Variants in KIF13B observed in about 807,000 individuals in gnomAD.
The protein encoded by KIF13B is kinesin-like protein KIF13B.
In KIF13B, 127 loss-of-function variants were observed where a neutral mutation model predicts 222.0. The observed-to-expected ratio is 0.57, with a 90% confidence interval of 0.50 to 0.66. The LOEUF (loss-of-function observed/expected upper bound fraction) is 0.66. Ranked by LOEUF, KIF13B falls within the 30% of genes least tolerant of loss-of-function variation. The pLI is 0.00. For synonymous variants in KIF13B, 976 were observed against 919.0 expected (o/e 1.06, Z -1.12); for missense variants, 2,173 against 2,379.0 (o/e 0.91, Z 1.80).
intron 37 of KIF13B, among the ~76,000 whole-genome samples, chr8:29,088,103 T>C (rs1268487299): frequency 3.3e-5 from 5 of 151,916 alleles, no homozygotes; most frequent in Non-Finnish European, 7.4e-5. Flanking sequence ...CTGTCTGTAC[T>C]AAAAATACAA....
intron 32 of KIF13B, among the ~76,000 whole-genome samples, chr8:29,111,862 T>C (rs535421158): frequency 6.6e-5 from 10 of 152,308 alleles, no homozygotes; most frequent in African/African-American, 2.4e-4. Flanking sequence ...TAGCTAGACA[T>C]AGATGTATAC....
chr8:29,159,687 G>T (rs1204280168), intron 13 of KIF13B, among the ~76,000 whole-genome samples: 1 of 152,126 alleles, frequency 6.6e-6, no homozygotes, highest in African/African-American at 2.4e-5. Flanking sequence ...AGAGAGACAG[G>T]TCACTCCCTC....
At chr8:29,090,542 G>A (rs138778307) in intron 37 of KIF13B, among the ~76,000 whole-genome samples, 185 of 152,204 alleles carry the variant, frequency 1.2e-3, no homozygotes, top group Non-Finnish European at 2.0e-3. Flanking sequence ...AAGTCTGCAG[G>A]ATGAGGACAA....
chr8:29,067,578 C>T lies in KIF13B; in HGVS notation c.*2926G>A, dbSNP rs61740121. ...TAGTGTCTGCAGCCCACCAGGAAGG[C>T]ACCACGGACTTTGTGGAGAGAAAGA... On this transcript the variant is annotated 3_prime_UTR_variant, in exon 40 of 40. Transcript: ENST00000524189. 5,259 of 152,388 alleles carry T rather than the reference C, an allele frequency of 0.035. 317 individuals are homozygous for T. The highest frequency in any genetic ancestry group is 0.12 in the African/African-American group (4,992 of 41,526). 9.4% of individuals were successfully genotyped at this position (152,388 alleles called of 1,614,324 possible).
In KIF13B at chr8:29,070,564, GGCAGCTGTCA is replaced by G; in HGVS notation, c.5411_5420del (p.Leu1804ProfsTer25). On this transcript the variant is annotated frameshift_variant, in exon 40 of 40. Coordinates refer to ENST00000524189, the MANE Select transcript of KIF13B (RefSeq NM_015254.4). LOFTEE classifies it high-confidence loss of function. This position sits in a 1 kb window ranked among gnomAD's most constrained non-coding sequence, Gnocchi z 4.1. ...TGTGGCTCCTGTCGGCCTTGGCCAG[GGCAGCTGTCA>G]GCGAGGCCAGGTTGGTGGCGGAGCC... is the stretch of plus-strand genomic sequence containing the variant. 4 of 1,607,500 alleles carry G rather than the reference GGCAGCTGTCA, an allele frequency of 2.5e-6. No individual in the cohort carries two copies. The highest frequency in any genetic ancestry group is 2.5e-6 in the Non-Finnish European group (3 of 1,177,566).
chr8:29,254,322 G>A (rs1186203744), intron 1 of KIF13B, among the ~76,000 whole-genome samples: 1 of 152,014 alleles, frequency 6.6e-6, no homozygotes, highest in Non-Finnish European at 1.5e-5. Flanking sequence ...AAAATAAACT[G>A]GACTTCATCA....
intron 2 of KIF13B, among the ~76,000 whole-genome samples, chr8:29,211,156 C>T (rs930543666): frequency 1.3e-5 from 2 of 152,194 alleles, no homozygotes; most frequent in East Asian, 3.8e-4. Context: ...CTCGTCTGCA[C>T]GAAAGCACCA....
At chr8:29,121,918 T>C (rs1282055357) in intron 29 of KIF13B, among the ~76,000 whole-genome samples, 1 of 152,060 alleles carries the variant, frequency 6.6e-6, no homozygotes, top group Non-Finnish European at 1.5e-5. Context: ...TTCATAAGTA[T>C]CGCTAGTTAT....
At chr8:29,262,799 G>T (rs1816733803) in intron 1 of KIF13B, among the ~76,000 whole-genome samples, 181 bp downstream of exon 1, 1 of 151,474 alleles carries the variant, frequency 6.6e-6, no homozygotes, top group Non-Finnish European at 1.5e-5. Flanking sequence ...GGGAAGGGAG[G>T]GGAGAAGAGG....
intron 27 of KIF13B, 135 bp from the exon 28 acceptor site, chr8:29,123,627 C>G: frequency 8.6e-7 from 1 of 1,166,982 alleles, no homozygotes; most frequent in Non-Finnish European, 1.2e-6. Flanking sequence ...AACTAACCCA[C>G]AGCTAGAGAG....
intron 9 of KIF13B, 149 bp from the exon 10 acceptor site, chr8:29,176,328 A>G (rs1309782885): frequency 1.7e-6 from 1 of 600,118 alleles, no homozygotes; most frequent in Admixed American, 3.1e-5. Context: ...AAAGCACACA[A>G]CTCAAAATAG....
At position 29,175,175 on chromosome 8, in the gene KIF13B, AT is replaced by A. The variant is rs201013807; in HGVS notation, c.945+892del. ...ATTTAGTGAGGTGACACCTCTATAA[AT>A]GGGTTAAATTGTCACTGCAACTTAT... On this transcript the variant is annotated intron_variant, in intron 10 of 39. Coordinates refer to ENST00000524189, the MANE Select transcript of KIF13B (RefSeq NM_015254.4). Among the ~76,000 whole-genome samples, 188 of 152,338 alleles carry A rather than the reference AT, an allele frequency of 1.2e-3. 1 individual carries two copies. The East Asian group carries it at 0.031, about 25-fold the overall frequency.
intron 22 of KIF13B, 140 bp from the exon 23 acceptor site, chr8:29,132,605 T>TA: frequency 2.1e-6 from 1 of 487,062 alleles, no homozygotes; most frequent in East Asian, 3.6e-5. Context: ...AACTATCATC[T>TA]AAAACCCATA....
Position 29,167,552 on chromosome 8 carries a change from C to G in KIF13B, c.979G>C (p.Val327Leu). The G allele has an allele frequency of 6.2e-7, 1 of 1,614,020 alleles. No homozygotes were observed. The highest frequency in any genetic ancestry group is 8.5e-7 in the Non-Finnish European group (1 of 1,179,876). Residue 327 changes from valine (V) to leucine (L), a missense_variant, in exon 11 of 40, where the codon GTG becomes CTG. Around this residue, in one of 2 missense-constraint regions of KIF13B, gnomAD observed 1,480 missense variants for 1,722.8 expected, o/e 0.86. Coordinates refer to ENST00000524189, the MANE Select transcript of KIF13B (RefSeq NM_015254.4). Reference protein sequence around the residue: ...SLGGNSKTAMVATVSPAADNY... With the variant: ...SLGGNSKTAMLATVSPAADNY... ...TCAGCTGCAGGACTCACAGTAGCCA[C>G]CATGGCGGTCTTGCTGTTACCCCCG...
At position 29,068,973 on chromosome 8, in the gene KIF13B, GGAGA is replaced by G. The variant is rs1807126093; in HGVS notation, c.*1527_*1530del. ...AGCCTTCGTGTCCCTCGCCAACTGG[GGAGA>G]GAAAGACAACCTGTCCTCGCAGCCA... is the stretch of plus-strand genomic sequence containing the variant. On this transcript the variant is annotated 3_prime_UTR_variant, in exon 40 of 40. Transcript: ENST00000524189. The surrounding 1 kb of genome is among the most constrained non-coding windows in gnomAD (Gnocchi z 4.4). The G allele has an allele frequency of 6.6e-5, 10 of 152,202 alleles. No homozygotes were observed. The highest frequency in any genetic ancestry group is 6.5e-4 in the Admixed American group (10 of 15,274). 9.4% of individuals were successfully genotyped at this position (152,202 alleles called of 1,614,324 possible).
At chr8:29,150,950 A>C (rs1811270253) in intron 14 of KIF13B, among the ~76,000 whole-genome samples, 1 of 152,208 alleles carries the variant, frequency 6.6e-6, no homozygotes, top group African/African-American at 2.4e-5. Flanking sequence ...AAAAGGTGGA[A>C]ATAATTAAGC....
intron 16 of KIF13B, among the ~76,000 whole-genome samples, chr8:29,148,127 C>A (rs1176589172): frequency 1.3e-5 from 2 of 152,172 alleles, no homozygotes; most frequent in East Asian, 3.8e-4. Flanking sequence ...ATCACTTGAA[C>A]CCAGGAGGCA....
chr8:29,254,631 T>C (rs1280393716), intron 1 of KIF13B, among the ~76,000 whole-genome samples: 1 of 152,146 alleles, frequency 6.6e-6, no homozygotes. Flanking sequence ...AGGATAGCAA[T>C]ACTCATGGAG....
At chr8:29,220,997 C>T (rs1216231006) in intron 2 of KIF13B, among the ~76,000 whole-genome samples, 1 of 151,474 alleles carries the variant, frequency 6.6e-6, no homozygotes, top group East Asian at 1.9e-4. Context: ...CATACATTAA[C>T]TGGGTGCGGT....
Sources: gnomAD v4.1 joint callset for allele counts (sites outside exome capture counted in the v4.1 genomes callset) on GRCh38, gnomAD v4.1.1 for gene constraint, gnomAD v4.1.1 regional missense constraint, Gnocchi (gnomAD v3.1) non-coding constraint, MANE v1.5 for transcripts, NCBI Gene and HGNC (gene_info 2026-07-23, HGNC 2026-07-21) for gene names.